Variants in DOCK1 observed in about 807,000 individuals in gnomAD.
The protein encoded by DOCK1 is dedicator of cytokinesis 1.
DOCK1 carries 138 observed loss-of-function variants against 262.7 expected under a neutral mutation model. That is an observed-to-expected ratio of 0.53 (90% confidence interval 0.46 to 0.61). DOCK1 has a LOEUF of 0.61. Among genes scored for constraint, DOCK1 ranks in the 20% least tolerant of loss-of-function variants. The pLI, the probability that DOCK1 is intolerant of heterozygous loss-of-function variation, is 0.00. For synonymous variants in DOCK1, 866 were observed against 867.4 expected, an observed-to-expected ratio of 1.00 and a Z score of 0.03; for missense variants, 1,908 against 2,370.7, an observed-to-expected ratio of 0.80 and a Z score of 4.05.
At chr10:126,948,503 C>G (rs1001776682) in intron 1 of DOCK1, among the ~76,000 whole-genome samples, 4 of 151,798 alleles carry the variant, frequency 2.6e-5, no homozygotes, top group Non-Finnish European at 4.4e-5. Flanking sequence ...GGTGGTAATA[C>G]TGTCCAGCCG....
At chr10:127,179,539 G>A (rs950431687) in intron 27 of DOCK1, among the ~76,000 whole-genome samples, 16 of 152,056 alleles carry the variant, frequency 1.1e-4, no homozygotes, top group African/African-American at 2.7e-4. Flanking sequence ...TCTTTCTGAC[G>A]GCTGGATGAC....
chr10:127,090,094 TC>T (rs2047427336), intron 23 of DOCK1, among the ~76,000 whole-genome samples: 1 of 152,144 alleles, frequency 6.6e-6, no homozygotes, highest in Non-Finnish European at 1.5e-5. Context: ...TGATTGCTGT[TC>T]GGGACACTGG....
chr10:127,124,186 G>A (rs1484174799), intron 25 of DOCK1, among the ~76,000 whole-genome samples: 2 of 152,224 alleles, frequency 1.3e-5, no homozygotes, highest in African/African-American at 4.8e-5. Context: ...TGTGTACTTA[G>A]AGGAACCATT....
chr10:127,435,392 G>A (rs936505237), intron 48 of DOCK1, among the ~76,000 whole-genome samples: 1 of 152,116 alleles, frequency 6.6e-6, no homozygotes, highest in Admixed American at 6.5e-5. Flanking sequence ...GCCCTTTGTT[G>A]CCAACGACTG....
chr10:127,345,440 T>C (rs2063588735), intron 31 of DOCK1, among the ~76,000 whole-genome samples: 1 of 152,152 alleles, frequency 6.6e-6, no homozygotes, highest in Non-Finnish European at 1.5e-5. Context: ...GGGCCCACGA[T>C]TTTCACCTGG....
chr10:127,383,465 T>C (rs2065930001), intron 37 of DOCK1, among the ~76,000 whole-genome samples: 3 of 152,232 alleles, frequency 2.0e-5, no homozygotes, highest in African/African-American at 7.2e-5. Context: ...TTAAAGAGTT[T>C]GTCCAATTGT....
intron 23 of DOCK1, among the ~76,000 whole-genome samples, chr10:127,077,164 G>T (rs185582415): frequency 3.9e-5 from 6 of 152,302 alleles, no homozygotes; most frequent in Non-Finnish European, 5.9e-5. Flanking sequence ...GGAGGCTGAG[G>T]TGGGTGGATC....
At chr10:127,293,700 C>T (rs2061417289) in intron 29 of DOCK1, among the ~76,000 whole-genome samples, 1 of 152,240 alleles carries the variant, frequency 6.6e-6, no homozygotes, top group Non-Finnish European at 1.5e-5. Context: ...ATCAACCCCT[C>T]TGAAGCCAGG....
At chr10:127,089,274 A>G (rs1480468136) in intron 23 of DOCK1, among the ~76,000 whole-genome samples, 1 of 151,260 alleles carries the variant, frequency 6.6e-6, no homozygotes, top group East Asian at 2.0e-4. Context: ...TCTCCTGTGG[A>G]CTTTGCTTCT....
At chr10:127,403,568 G>A (rs570556693) in intron 39 of DOCK1, among the ~76,000 whole-genome samples, 2 of 152,308 alleles carry the variant, frequency 1.3e-5, no homozygotes, top group South Asian at 4.1e-4. Flanking sequence ...GACCATCCTG[G>A]CTAACACGGT....
intron 29 of DOCK1, among the ~76,000 whole-genome samples, chr10:127,259,025 C>T (rs1254094553): frequency 1.3e-5 from 2 of 152,128 alleles, no homozygotes; most frequent in South Asian, 4.1e-4. Context: ...CTACAAACCT[C>T]CCCGAGGGGT....
chr10:127,140,229 T>A (rs571061364), intron 27 of DOCK1, among the ~76,000 whole-genome samples: 52 of 152,318 alleles, frequency 3.4e-4, no homozygotes, highest in African/African-American at 1.2e-3. Flanking sequence ...TTAACCAATT[T>A]ATCACACCAA....
At chr10:127,438,277 T>C (rs968315597) in intron 48 of DOCK1, among the ~76,000 whole-genome samples, 2 of 152,246 alleles carry the variant, frequency 1.3e-5, no homozygotes, top group African/African-American at 4.8e-5. Context: ...CACTAACCTT[T>C]TGGTACATGC....
At chr10:127,087,645 G>A (rs2047275526) in intron 23 of DOCK1, among the ~76,000 whole-genome samples, 1 of 152,174 alleles carries the variant, frequency 6.6e-6, no homozygotes, top group Admixed American at 6.5e-5. Flanking sequence ...AAGTGTCCCT[G>A]TGCAGTTTAG....
At chr10:126,944,546 C>T (rs2035252391) in intron 1 of DOCK1, among the ~76,000 whole-genome samples, 1 of 151,984 alleles carries the variant, frequency 6.6e-6, no homozygotes, top group African/African-American at 2.4e-5. Context: ...AGCTGGAGTC[C>T]CAAAGAACAA....
At chr10:127,445,059 T>C (rs1160089568) in intron 50 of DOCK1, among the ~76,000 whole-genome samples, 1 of 152,158 alleles carries the variant, frequency 6.6e-6, no homozygotes, top group East Asian at 1.9e-4. Flanking sequence ...GCAAAGACCC[T>C]ACATCCAAAT....
intron 27 of DOCK1, chr10:127,137,638 G>C: frequency 2.1e-6 from 1 of 479,756 alleles, no homozygotes; most frequent in East Asian, 3.1e-5. Context: ...GCAAAGAACA[G>C]CTGGCAAGGA....
intron 35 of DOCK1, among the ~76,000 whole-genome samples, chr10:127,377,483 C>T (rs989025560): frequency 6.6e-6 from 1 of 152,120 alleles, no homozygotes; most frequent in Non-Finnish European, 1.5e-5. Context: ...TTTACCAATG[C>T]TCTGTAAGTC....
At chr10:127,218,729 G>A (rs189797760) in intron 27 of DOCK1, among the ~76,000 whole-genome samples, 44 of 152,206 alleles carry the variant, frequency 2.9e-4, no homozygotes, top group Admixed American at 2.2e-3. Flanking sequence ...CAGTATTAAG[G>A]TCTGTCTTAG....
Sources: gnomAD v4.1 joint callset for allele counts (sites outside exome capture counted in the v4.1 genomes callset) on GRCh38, gnomAD v4.1.1 for gene constraint, MANE v1.5 for transcripts, NCBI Gene and HGNC (gene_info 2026-07-23, HGNC 2026-07-21) for gene names.